Variants in DOCK1 observed in about 807,000 individuals in gnomAD.
The protein encoded by DOCK1 is dedicator of cytokinesis 1.
In DOCK1, 138 loss-of-function variants were observed where a neutral mutation model predicts 262.7. The observed-to-expected ratio is 0.53, with a 90% confidence interval of 0.46 to 0.61. The LOEUF (loss-of-function observed/expected upper bound fraction) is 0.61, where lower values mean the gene tolerates loss of function less well. DOCK1 is among the 20% of genes least tolerant of loss of function. DOCK1 has a pLI of 0.00. For synonymous variants in DOCK1, 866 were observed against 867.4 expected (o/e 1.00, Z 0.03); for missense variants, 1,908 against 2,370.7 (o/e 0.80, Z 4.05).
chr10:127,355,705 A>G (rs2064112852), intron 32 of DOCK1, among the ~76,000 whole-genome samples: 1 of 152,306 alleles, frequency 6.6e-6, no homozygotes. Flanking sequence ...GCCTCGTAGC[A>G]TTAGGGTTTC....
rs2040230319 is a variant in DOCK1 at position 126,996,814 on chromosome 10, C to T, written c.540C>T (p.Ser180=). 34 of 1,612,500 alleles carry T rather than the reference C, an allele frequency of 2.1e-5. No individual in the cohort carries two copies. In the East Asian group the frequency reaches 7.4e-4, roughly 35 times the overall value. ...DGNILDPELT[S]TISLFRAHEI... ...ATATTTTGGATCCAGAATTAACTAGCACGATTAGTCTCTTCAGAGCTCATG... is the reference window on the plus strand; with the variant it reads ...ATATTTTGGATCCAGAATTAACTAGTACGATTAGTCTCTTCAGAGCTCATG... The change falls in exon 7 of 52, where the codon AGC becomes AGT. Residue 180 remains serine (S), a synonymous_variant. Coordinates refer to ENST00000623213, the MANE Select transcript of DOCK1 (RefSeq NM_001290223.2).
rs558438673 is a variant in DOCK1 at position 127,372,280 on chromosome 10, G to A, written c.3433-1501G>A. Among the ~76,000 whole-genome samples the A allele has an allele frequency of 7.7e-4, 117 of 152,230 alleles. 1 individual carries two copies. Among genetic ancestry groups the A allele is most frequent in the African/African-American group, 2.6e-3 (106 of 41,536 alleles). On this transcript the variant is annotated intron_variant, in intron 33 of 51. Coordinates refer to ENST00000623213, the MANE Select transcript of DOCK1 (RefSeq NM_001290223.2). ...TGGAGGCCCCTCCTTGGGTTTCACC[G>A]TTCCTTGCTAATTGCTTCTCAGGGG...
chr10:127,384,393 T>G (rs1439207472), intron 37 of DOCK1, among the ~76,000 whole-genome samples: 2 of 152,218 alleles, frequency 1.3e-5, no homozygotes, highest in African/African-American at 4.8e-5. Context: ...GTGTGTTCCA[T>G]GTACCATCTT....
intron 12 of DOCK1, chr10:127,013,522 A>G (rs1344048646): frequency 6.6e-6 from 1 of 152,130 alleles, no homozygotes; most frequent in African/African-American, 2.4e-5. Context: ...AACTTTTATT[A>G]GAGTCATTCA....
intron 1 of DOCK1, among the ~76,000 whole-genome samples, chr10:126,928,398 A>C (rs1270669271): frequency 2.6e-5 from 4 of 152,144 alleles, no homozygotes; most frequent in African/African-American, 4.8e-5. Context: ...CAGTATTCTT[A>C]AGCCTCCAGC....
At chr10:127,096,198 C>T (rs1476259545) in intron 23 of DOCK1, among the ~76,000 whole-genome samples, 1 of 152,202 alleles carries the variant, frequency 6.6e-6, no homozygotes, top group African/African-American at 2.4e-5. Flanking sequence ...AGAGATGCCT[C>T]CTTGAGTGTC....
chr10:127,315,759 G>A (rs898534181), intron 29 of DOCK1, among the ~76,000 whole-genome samples: 4 of 152,102 alleles, frequency 2.6e-5, no homozygotes, highest in African/African-American at 9.7e-5. Context: ...CTGCAGTGGC[G>A]CAATCTCGGC....
intron 48 of DOCK1, among the ~76,000 whole-genome samples, chr10:127,434,522 A>C (rs772531258): frequency 3.3e-5 from 5 of 152,212 alleles, no homozygotes; most frequent in Non-Finnish European, 7.4e-5. Context: ...CCACCTCCAG[A>C]ACTCTTTAAT....
At chr10:127,251,418 A>G (rs1424967688) in intron 28 of DOCK1, among the ~76,000 whole-genome samples, 2 of 151,700 alleles carry the variant, frequency 1.3e-5, no homozygotes, top group East Asian at 3.9e-4. Flanking sequence ...TTTAGTGTAC[A>G]TGTGCACAAT....
At chr10:127,168,095 A>G (rs2054244615) in intron 27 of DOCK1, among the ~76,000 whole-genome samples, 1 of 152,146 alleles carries the variant, frequency 6.6e-6, no homozygotes, top group Non-Finnish European at 1.5e-5. Flanking sequence ...AGAGGGGTTA[A>G]TAAGCCTGTG....
intron 38 of DOCK1, among the ~76,000 whole-genome samples, chr10:127,391,769 T>G (rs1300103093): frequency 2.0e-5 from 3 of 152,096 alleles, no homozygotes; most frequent in Non-Finnish European, 4.4e-5. Flanking sequence ...TCTCGGTCCC[T>G]CTCACCTGGG....
intron 37 of DOCK1, 65 bp downstream of exon 37, chr10:127,381,433 G>T: frequency 1.3e-6 from 2 of 1,483,028 alleles, no homozygotes; most frequent in South Asian, 2.6e-5. Flanking sequence ...ATTCAGAATT[G>T]TATTTTTCCA....
At chr10:127,131,407 T>C (rs2050317826) in intron 27 of DOCK1, among the ~76,000 whole-genome samples, 1 of 152,156 alleles carries the variant, frequency 6.6e-6, no homozygotes, top group African/African-American at 2.4e-5. Flanking sequence ...TTTTATAAAA[T>C]GCAGCTGTCT....
chr10:127,230,793 G>C (rs1463309665), intron 27 of DOCK1, among the ~76,000 whole-genome samples: 1 of 150,202 alleles, frequency 6.7e-6, no homozygotes, highest in Non-Finnish European at 1.5e-5. Flanking sequence ...TTTTTTGTTT[G>C]TTTTTGGTGG....
intron 23 of DOCK1, among the ~76,000 whole-genome samples, chr10:127,101,871 G>C (rs879774268): frequency 3.3e-5 from 5 of 152,212 alleles, no homozygotes; most frequent in Non-Finnish European, 7.3e-5. Context: ...CGAAACGAGA[G>C]ACCGGGAGAC....
intron 27 of DOCK1, among the ~76,000 whole-genome samples, chr10:127,143,320 G>T (rs115204209): frequency 6.6e-6 from 1 of 152,150 alleles, no homozygotes; most frequent in Admixed American, 6.5e-5. Context: ...CATGTGGCTC[G>T]GTGGCCAGCA....
intron 6 of DOCK1, among the ~76,000 whole-genome samples, chr10:126,992,012 C>T (rs2039826078): frequency 6.6e-6 from 1 of 152,164 alleles, no homozygotes; most frequent in African/African-American, 2.4e-5. Context: ...TCTGTAAAAT[C>T]AGAATTATCA....
intron 23 of DOCK1, among the ~76,000 whole-genome samples, chr10:127,080,964 A>G (rs1416575978): frequency 6.6e-6 from 1 of 152,080 alleles, no homozygotes; most frequent in Admixed American, 6.6e-5. Context: ...TTGACCTTCC[A>G]AGGTAGTTAA....
chr10:127,134,970 A>G (rs988156002), intron 27 of DOCK1, among the ~76,000 whole-genome samples: 1 of 152,136 alleles, frequency 6.6e-6, no homozygotes, highest in Non-Finnish European at 1.5e-5. Flanking sequence ...AGGGAGGGGA[A>G]GAAGAAAGGA....
Sources: allele counts gnomAD v4.1 joint callset (sites outside exome capture counted in the v4.1 genomes callset), GRCh38; gene constraint gnomAD v4.1.1; transcripts MANE v1.5; gene names NCBI Gene and HGNC (gene_info 2026-07-23, HGNC 2026-07-21).